Variants in CCDC27 observed in about 807,000 individuals in gnomAD.
CCDC27 encodes coiled-coil domain containing 27.
A neutral mutation model predicts 80.3 loss-of-function variants in CCDC27; 80 were observed. The ratio of observed to expected loss-of-function variants is 1.00; its 90% confidence interval spans 0.83 to 1.20. CCDC27 has a LOEUF of 1.20. Ranked by LOEUF, CCDC27 falls within the 50% of genes most tolerant of loss-of-function variation. CCDC27 has a pLI of 0.00. For synonymous variants in CCDC27, 342 were observed against 334.3 expected, an observed-to-expected ratio of 1.02 and a Z score of -0.25; for missense variants, 815 against 809.4, an observed-to-expected ratio of 1.01 and a Z score of -0.08.
rs764817050 is a variant in CCDC27, at chr1:3,769,920, GC to G, written c.1848+37del. 2.2e-5 allele frequency: 33 copies of G among 1,528,892 alleles called. No homozygotes were observed. The highest frequency in any genetic ancestry group is 3.3e-5 in the Admixed American group (2 of 59,872). The allele number at this position is 1,528,892 out of a possible 1,614,324, so 94.7% of individuals were successfully genotyped here. The stretch of plus-strand genomic sequence containing the variant: ...CCTAAGCTCAGCTGCCTCTATCCGG[GC>G]CCCAGACCCCCAGGCCAGAGCTGTG... On this transcript the variant is annotated intron_variant, in intron 11 of 11. Transcript: ENST00000294600. This position sits in a 1 kb window ranked among gnomAD's most constrained non-coding sequence, Gnocchi z 4.6.
intron 3 of CCDC27, chr1:3,756,300 A>C (rs987236150): frequency 6.4e-6 from 1 of 155,758 alleles, no homozygotes; most frequent in East Asian, 1.9e-4. Context: ...AAATCGTGCC[A>C]CTGCACTCCA....
rs909152798 is a variant in CCDC27 at position 3,769,193 on chromosome 1, T to C, written c.1744-590T>C. Among the ~76,000 whole-genome samples, 13 of 152,116 alleles carry C rather than the reference T, an allele frequency of 8.5e-5. No individual in the cohort carries two copies. The highest frequency in any genetic ancestry group is 2.9e-4 in the African/African-American group (12 of 41,412). On this transcript the variant is annotated intron_variant, in intron 10 of 11. Coordinates refer to ENST00000294600, the MANE Select transcript of CCDC27 (RefSeq NM_152492.3). The surrounding 1 kb of genome is among the most constrained non-coding windows in gnomAD (Gnocchi z 4.6). ...CCTGGGAGGCACGATTAGCTACCTC[T>C]GGGGAGGCGGCTGCGGGTGTACAGG...
In CCDC27 at chr1:3,766,837, CTTTTTTTTTTT is replaced by C. The variant is rs34635257; in HGVS notation, c.1530+237_1530+247del. On this transcript the variant is annotated intron_variant, in intron 9 of 11. Transcript: ENST00000294600. The surrounding 1 kb of genome is among the most constrained non-coding windows in gnomAD (Gnocchi z 6.1). ...AGGGACCCAGCAAGCGTTCCCAGTC[CTTTTTTTTTTT>C]TTTTTTTTTTTGAGACAGAGTCCTG... is the stretch of plus-strand genomic sequence containing the variant. Among the ~76,000 whole-genome samples, 2 of 105,464 alleles carry C rather than the reference CTTTTTTTTTTT, an allele frequency of 1.9e-5. No individual in the cohort carries two copies. Among genetic ancestry groups the C allele is most frequent in the African/African-American group, 8.3e-5 (2 of 24,164 alleles). The allele number at this position is 105,464 out of a possible 152,430, so 69.2% of individuals were successfully genotyped here.
chr1:3,767,424 C>G lies in CCDC27; in HGVS notation c.1722C>G (p.Ala574=), dbSNP rs1459570995. ...IQQAEQHTRV[A]LESSQSRLER... ...AGGCAGAGCAGCACACCCGCGTGGC[C>G]CTGGAGAGCTCCCAGTCCAGGGTAT... The change falls in exon 10 of 12, where the codon GCC becomes GCG. Residue 574 remains alanine (A), a synonymous_variant. Transcript: ENST00000294600. The G allele has an allele frequency of 6.2e-7, 1 of 1,612,884 alleles. No individual in the cohort carries two copies. Among genetic ancestry groups the G allele is most frequent in the Non-Finnish European group, 8.5e-7 (1 of 1,179,844 alleles).
At chr1:3,755,298 C>G (rs1327107230) in intron 2 of CCDC27, among the ~76,000 whole-genome samples, 159 bp from the exon 3 acceptor site, 2 of 152,190 alleles carry the variant, frequency 1.3e-5, no homozygotes, top group African/African-American at 4.8e-5. Flanking sequence ...GAGGATGAAG[C>G]CCACCCTTTG....
intron 1 of CCDC27, among the ~76,000 whole-genome samples, chr1:3,753,373 G>A (rs934392451): frequency 2.0e-5 from 3 of 148,052 alleles, no homozygotes; most frequent in African/African-American, 7.6e-5. Context: ...ACCCGGGCTG[G>A]AGTGCAATGG....
chr1:3,753,345 C>T (rs1490333212), intron 1 of CCDC27, among the ~76,000 whole-genome samples: 4 of 124,370 alleles, frequency 3.2e-5, no homozygotes, highest in East Asian at 2.2e-4. Context: ...TTTTTTGAGA[C>T]GGAGTTTCAC....
chr1:3,756,660 C>T (rs1321638416), intron 3 of CCDC27, 73 bp from the exon 4 acceptor site: 15 of 1,534,578 alleles, frequency 9.8e-6, no homozygotes, highest in African/African-American at 4.1e-5. Flanking sequence ...GGGTGGATGT[C>T]GTCATCGAAG....
At chr1:3,765,112 C>A (rs1028183525) in intron 8 of CCDC27, among the ~76,000 whole-genome samples, 1 of 151,848 alleles carries the variant, frequency 6.6e-6, no homozygotes, top group South Asian at 2.1e-4. Context: ...TTACTCTATA[C>A]CCTCATAACA....
In CCDC27 at chr1:3,767,378, G is replaced by A. The variant is rs367669359; in HGVS notation, c.1676G>A (p.Ser559Asn). ...AAGCAGCTGCAGGAGGATTTGCAGA[G>A]CAAGAAGGAGATGATTCAGCAGGCA... Reference protein sequence around the residue: ...RWKQLQEDLQSKKEMIQQAEQ... With the variant: ...RWKQLQEDLQNKKEMIQQAEQ... Residue 559 changes from serine (S) to asparagine (N), a missense_variant, in exon 10 of 12, where the codon AGC becomes AAC. Physicochemically the swap from Ser to Asn is conservative, Grantham distance 46. Coordinates refer to ENST00000294600, the MANE Select transcript of CCDC27 (RefSeq NM_152492.3). The A allele has an allele frequency of 3.6e-5, 58 of 1,613,748 alleles. No homozygotes were observed. The highest frequency in any genetic ancestry group is 4.7e-5 in the Non-Finnish European group (56 of 1,180,042).
Position 3,768,386 on chromosome 1 carries a change from C to T in CCDC27, c.1743+941C>T, listed in dbSNP as rs975606999. 1.3e-5 allele frequency among the ~76,000 whole-genome samples: 2 copies of T among 152,120 alleles called. No individual in the cohort carries two copies. Among genetic ancestry groups the T allele is most frequent in the Non-Finnish European group, 2.9e-5 (2 of 68,030 alleles). The stretch of plus-strand genomic sequence containing the variant: ...TGTTGGGAATACAGGTGTGAGCTAC[C>T]GTGCCTGGCCCTGACCTTGATTTAG... On this transcript the variant is annotated intron_variant, in intron 10 of 11. Coordinates refer to ENST00000294600, the MANE Select transcript of CCDC27 (RefSeq NM_152492.3). This position sits in a 1 kb window ranked among gnomAD's most constrained non-coding sequence, Gnocchi z 5.6.
rs1297891385 is a variant in CCDC27, at chr1:3,763,635, G to A, written c.1322-71G>A. The A allele has an allele frequency of 3.1e-6, 5 of 1,599,546 alleles. No individual in the cohort carries two copies. Among genetic ancestry groups the A allele is most frequent in the Non-Finnish European group, 4.3e-6 (5 of 1,169,234 alleles). ...CAGAGCCCTCCCAGCTGCCGCAGTGGCCCGGCCCTCTCCTTCTGTCCCTCA... is the reference window on the plus strand; with the variant it reads ...CAGAGCCCTCCCAGCTGCCGCAGTGACCCGGCCCTCTCCTTCTGTCCCTCA... On this transcript the variant is annotated intron_variant, in intron 7 of 11. Transcript: ENST00000294600. This position sits in a 1 kb window ranked among gnomAD's most constrained non-coding sequence, Gnocchi z 7.5.
rs114648277 is a variant in CCDC27 at position 3,771,564 on chromosome 1, C to G, written c.*41C>G. The G allele has an allele frequency of 1.2e-3, 1,927 of 1,607,030 alleles. 11 individuals are homozygous for G. In the African/African-American group the frequency reaches 0.02, roughly 16 times the overall value. On this transcript the variant is annotated 3_prime_UTR_variant, in exon 12 of 12. Transcript: ENST00000294600. ...CAAATACGGTCAGCCCAGCAGAGGC[C>G]GGGGCCCAGCTCCAGAACCACCCGC...
At position 3,769,199 on chromosome 1, in the gene CCDC27, G is replaced by A. The variant is rs1256921794; in HGVS notation, c.1744-584G>A. Among the ~76,000 whole-genome samples, 4 of 152,166 alleles carry A rather than the reference G, an allele frequency of 2.6e-5. No homozygotes were observed. Among genetic ancestry groups the A allele is most frequent in the Non-Finnish European group, 5.9e-5 (4 of 68,004 alleles). On this transcript the variant is annotated intron_variant, in intron 10 of 11. Transcript: ENST00000294600. The surrounding 1 kb of genome is among the most constrained non-coding windows in gnomAD (Gnocchi z 4.6). The stretch of plus-strand genomic sequence containing the variant: ...AGGCACGATTAGCTACCTCTGGGGA[G>A]GCGGCTGCGGGTGTACAGGCAGACA...
Position 3,760,757 on chromosome 1 carries a change from A to C in CCDC27, c.712-524A>C, listed in dbSNP as rs560247098. Among the ~76,000 whole-genome samples, 9 of 152,268 alleles carry C rather than the reference A, an allele frequency of 5.9e-5. No homozygotes were observed. Among genetic ancestry groups the C allele is most frequent in the African/African-American group, 2.2e-4 (9 of 41,542 alleles). ...CCCTTTAGTATTTCTCTAAGTTCAG[A>C]TCTGCTGGTCACAGATTCTTTCAAT... On this transcript the variant is annotated intron_variant, in intron 4 of 11. Coordinates refer to ENST00000294600, the MANE Select transcript of CCDC27 (RefSeq NM_152492.3). The surrounding 1 kb of genome is among the most constrained non-coding windows in gnomAD (Gnocchi z 4.3).
rs537823558 is a variant in CCDC27, at chr1:3,763,449, C to A, written c.1296C>A (p.Thr432=). 195 of 1,608,404 alleles carry A rather than the reference C, an allele frequency of 1.2e-4. 1 individual carries two copies. The South Asian group carries it at 1.9e-3, about 16-fold the overall frequency. ...ACTTCCAGTTCAACCTGGAGGCCACCAGGACCAGATACTCCCTTGCAACAG... is the reference window on the plus strand; with the variant it reads ...ACTTCCAGTTCAACCTGGAGGCCACAAGGACCAGATACTCCCTTGCAACAG... ...ILDFQFNLEA[T]RTRYSLATGV... The change falls in exon 7 of 12, where the codon ACC becomes ACA. Residue 432 remains threonine (T), a synonymous_variant. Coordinates refer to ENST00000294600, the MANE Select transcript of CCDC27 (RefSeq NM_152492.3). The surrounding 1 kb of genome is among the most constrained non-coding windows in gnomAD (Gnocchi z 7.5).
chr1:3,763,663 G>A lies in CCDC27; in HGVS notation c.1322-43G>A. 1 of 1,611,426 alleles carries A rather than the reference G, an allele frequency of 6.2e-7. No individual in the cohort carries two copies. The highest frequency in any genetic ancestry group is 8.5e-7 in the Non-Finnish European group (1 of 1,177,962). The stretch of plus-strand genomic sequence containing the variant: ...CGGCCCTCTCCTTCTGTCCCTCACT[G>A]CCCCTGCTTGCTCCTGCTCACCGCC... On this transcript the variant is annotated intron_variant, in intron 7 of 11. Transcript: ENST00000294600. The surrounding 1 kb of genome is among the most constrained non-coding windows in gnomAD (Gnocchi z 7.5).
Position 3,754,340 on chromosome 1 carries a change from G to A in CCDC27, c.442+99G>A, listed in dbSNP as rs1396085818. 5.6e-6 allele frequency: 8 copies of A among 1,418,882 alleles called. No homozygotes were observed. The South Asian group carries it at 6.0e-5, about 11-fold the overall frequency. The allele number at this position is 1,418,882 out of a possible 1,614,324, so 87.9% of individuals were successfully genotyped here. ...CCCTTCAGCCTGCGAGCAGCCGCCA[G>A]AGTTGGCCTCCACAGTGGCCCCAGC... On this transcript the variant is annotated intron_variant, in intron 2 of 11. Coordinates refer to ENST00000294600, the MANE Select transcript of CCDC27 (RefSeq NM_152492.3).
Position 3,763,822 on chromosome 1 carries a change from G to C in CCDC27, c.1438G>C (p.Ala480Pro), listed in dbSNP as rs758243735. Residue 480 changes from alanine (A) to proline (P), a missense_variant, in exon 8 of 12, where the codon GCC becomes CCC. Ala to Pro is a conservative substitution (Grantham distance 27). Transcript: ENST00000294600. The surrounding 1 kb of genome is among the most constrained non-coding windows in gnomAD (Gnocchi z 7.5). ...CCGAGAGCGGAGGCAGCAGCTACAA[G>C]CCATGACCGACAAGGTGGCCGTGCG... Reference protein sequence around the residue: ...ELRERRQQLQAMTDKFSNLRE... With the variant: ...ELRERRQQLQPMTDKFSNLRE... The C allele has an allele frequency of 3.1e-6, 5 of 1,614,050 alleles. No homozygotes were observed. In the South Asian group the frequency reaches 5.5e-5, roughly 18 times the overall value.
Sources: gnomAD v4.1 joint callset for allele counts (sites outside exome capture counted in the v4.1 genomes callset) on GRCh38, gnomAD v4.1.1 for gene constraint, Gnocchi (gnomAD v3.1) non-coding constraint, MANE v1.5 for transcripts, NCBI Gene and HGNC (gene_info 2026-07-23, HGNC 2026-07-21) for gene names.